The following PCCA variants were observed in gnomAD, a reference collection of about 807,000 sequenced individuals.
The protein encoded by PCCA is propionyl-CoA carboxylase alpha chain, mitochondrial.
In PCCA, 74 loss-of-function variants were observed where a neutral mutation model predicts 101.3. That is an observed-to-expected ratio of 0.73 (90% confidence interval 0.61 to 0.89). PCCA has a LOEUF of 0.89. Ranked by LOEUF, PCCA falls within the 40% of genes least tolerant of loss-of-function variation. The pLI is 0.00. For missense variants in PCCA, 891 were observed against 907.0 expected (o/e 0.98, Z 0.23); for synonymous variants, 294 against 313.6 (o/e 0.94, Z 0.66).
intron 7 of PCCA, among the ~76,000 whole-genome samples, chr13:100,229,354 T>C (rs2060335099): frequency 6.6e-6 from 1 of 152,222 alleles, no homozygotes; most frequent in Non-Finnish European, 1.5e-5. Context: ...CCCATCTAAT[T>C]AGGAATAAAT....
At chr13:100,204,880 A>G (rs1030701073) in intron 6 of PCCA, among the ~76,000 whole-genome samples, 4 of 152,120 alleles carry the variant, frequency 2.6e-5, no homozygotes, top group African/African-American at 4.8e-5. Flanking sequence ...AGCTTTGAAC[A>G]GTATCTGGGC....
intron 18 of PCCA, among the ~76,000 whole-genome samples, chr13:100,344,631 T>C (rs1410818437): frequency 6.6e-6 from 1 of 152,208 alleles, no homozygotes; most frequent in African/African-American, 2.4e-5. Flanking sequence ...AATGCATTAC[T>C]TAAGAAAATG....
At chr13:100,280,901 A>G (rs2064054213) in intron 12 of PCCA, among the ~76,000 whole-genome samples, 1 of 152,060 alleles carries the variant, frequency 6.6e-6, no homozygotes, top group Non-Finnish European at 1.5e-5. Flanking sequence ...TCCATGAGTC[A>G]CTTAGAAGCT....
At chr13:100,327,667 C>A (rs1818272008) in intron 16 of PCCA, among the ~76,000 whole-genome samples, 1 of 152,182 alleles carries the variant, frequency 6.6e-6, no homozygotes, top group Admixed American at 6.5e-5. Flanking sequence ...GTGTGTGTAT[C>A]ATTTTATATT....
At chr13:100,518,004 G>A (rs747393591) in intron 22 of PCCA, among the ~76,000 whole-genome samples, 2 of 151,556 alleles carry the variant, frequency 1.3e-5, no homozygotes, top group African/African-American at 2.4e-5. Context: ...TTTTAACACC[G>A]CGGGGCGTGT....
At chr13:100,504,662 C>T (rs939693694) in intron 21 of PCCA, among the ~76,000 whole-genome samples, 1 of 152,166 alleles carries the variant, frequency 6.6e-6, no homozygotes, top group Admixed American at 6.5e-5. Context: ...ACTGGCCGGG[C>T]ACCGTGGCTC....
At chr13:100,328,187 A>G (rs996799306) in intron 16 of PCCA, among the ~76,000 whole-genome samples, 1 of 151,834 alleles carries the variant, frequency 6.6e-6, no homozygotes, top group Non-Finnish European at 1.5e-5. Context: ...ACATGATGAA[A>G]CCCCGTCTCT....
At position 100,307,222 on chromosome 13, in the gene PCCA, A is replaced by C. The variant is rs1266078783; in HGVS notation, c.1315A>C (p.Ser439Arg). The C allele has an allele frequency of 1.9e-6, 3 of 1,610,958 alleles. No homozygotes were observed. Among genetic ancestry groups the C allele is most frequent in the Non-Finnish European group, 2.5e-6 (3 of 1,177,780 alleles). ...AGTGGACAGTGGCATCCAACCAGGA[A>C]GTGATATTAGCATTTATTATGATCC... ...VRVDSGIQPG[S>R]DISIYYDPMI... The change falls in exon 15 of 24, where the codon AGT (serine) becomes CGT (arginine). Residue 439 changes from serine to arginine, a missense_variant. By Grantham distance (110) the Ser-to-Arg change is moderately radical. Coordinates refer to ENST00000376285, the MANE Select transcript of PCCA (RefSeq NM_000282.4).
At chr13:100,418,588 C>G (rs920348232) in intron 19 of PCCA, among the ~76,000 whole-genome samples, 3 of 152,142 alleles carry the variant, frequency 2.0e-5, no homozygotes, top group African/African-American at 4.8e-5. Context: ...CACCTGTAAT[C>G]GCAGCACTTT....
chr13:100,448,552 T>A (rs1438650716), intron 20 of PCCA, among the ~76,000 whole-genome samples: 10 of 152,206 alleles, frequency 6.6e-5, no homozygotes. Context: ...AGTGTACTAC[T>A]TATTCACCCA....
intron 21 of PCCA, among the ~76,000 whole-genome samples, chr13:100,509,942 A>C (rs1412387252): frequency 6.6e-6 from 1 of 152,174 alleles, no homozygotes; most frequent in Non-Finnish European, 1.5e-5. Context: ...CTTCAGGTAT[A>C]GTTTACAAGC....
At chr13:100,437,531 GTTTA>G (rs922342229) in intron 20 of PCCA, among the ~76,000 whole-genome samples, 3 of 127,038 alleles carry the variant, frequency 2.4e-5, no homozygotes, top group African/African-American at 9.6e-5. Flanking sequence ...ATATTTATTT[GTTTA>G]TTTGTTTTTT....
In PCCA at chr13:100,530,055, T is replaced by C. The variant is rs150390822; in HGVS notation, c.2119-43T>C. On this transcript the variant is annotated intron_variant, in intron 23 of 23. Coordinates refer to ENST00000376285, the MANE Select transcript of PCCA (RefSeq NM_000282.4). Reference sequence around the variant, plus strand: ...CCTGCCGCCTCTTGGTTCTGGTTACTAATTCTTACTCTCCCCTCCCCCTGC... The same window carrying C: ...CCTGCCGCCTCTTGGTTCTGGTTACCAATTCTTACTCTCCCCTCCCCCTGC... The C allele has an allele frequency of 1.3e-3, 1,954 of 1,492,452 alleles. 25 individuals are homozygous for C. In the African/African-American group the frequency reaches 0.024, roughly 18 times the overall value. 92.5% of individuals were successfully genotyped at this position (1,492,452 alleles called of 1,614,324 possible).
At chr13:100,509,684 G>C (rs2086332429) in intron 21 of PCCA, among the ~76,000 whole-genome samples, 1 of 152,190 alleles carries the variant, frequency 6.6e-6, no homozygotes, top group Non-Finnish European at 1.5e-5. Context: ...TTGGGTGATG[G>C]TGTTAAAATC....
intron 21 of PCCA, among the ~76,000 whole-genome samples, chr13:100,502,800 A>G (rs2085778556): frequency 6.6e-6 from 1 of 152,250 alleles, no homozygotes; most frequent in Non-Finnish European, 1.5e-5. Flanking sequence ...GCAGCCAGGC[A>G]GAGTTGTCTG....
intron 19 of PCCA, among the ~76,000 whole-genome samples, chr13:100,372,545 C>T (rs1269260434): frequency 2.6e-5 from 4 of 152,076 alleles, no homozygotes; most frequent in Admixed American, 1.3e-4. Context: ...TTTCATCCCT[C>T]CTTTAAAATT....
rs556849440 is a variant in PCCA, at chr13:100,169,846, C to G, written c.468+12506C>G. Reference sequence around the variant, plus strand: ...TCCTGAGTAGCTGGGATTACAGATGCCTACCACCTTGCCTGGCTAATTTTT... The same window carrying G: ...TCCTGAGTAGCTGGGATTACAGATGGCTACCACCTTGCCTGGCTAATTTTT... On this transcript the variant is annotated intron_variant, in intron 6 of 23. Coordinates refer to ENST00000376285, the MANE Select transcript of PCCA (RefSeq NM_000282.4). Among the ~76,000 whole-genome samples the G allele has an allele frequency of 3.1e-4, 47 of 152,176 alleles. No homozygotes were observed. The South Asian group carries it at 9.8e-3, about 32-fold the overall frequency.
chr13:100,193,212 C>T (rs1289886622), intron 6 of PCCA, among the ~76,000 whole-genome samples: 1 of 152,156 alleles, frequency 6.6e-6, no homozygotes, highest in Admixed American at 6.5e-5. Context: ...GTGTCTTAGT[C>T]TTATCTCTGT....
chr13:100,246,392 C>G (rs890329448), intron 8 of PCCA, among the ~76,000 whole-genome samples: 3 of 152,116 alleles, frequency 2.0e-5, no homozygotes, highest in African/African-American at 7.2e-5. Flanking sequence ...TCACTGTAGC[C>G]TCAACCTCCT....
Sources: allele counts gnomAD v4.1 joint callset (sites outside exome capture counted in the v4.1 genomes callset), GRCh38; gene constraint gnomAD v4.1.1; transcripts MANE v1.5; gene names NCBI Gene and HGNC (gene_info 2026-07-23, HGNC 2026-07-21).